Variants in KALRN observed in about 807,000 individuals in gnomAD.
KALRN encodes the protein kalirin.
A neutral mutation model predicts 353.7 loss-of-function variants in KALRN; 70 were observed. The observed-to-expected ratio is 0.20, with a 90% CI of 0.16 to 0.24. The LOEUF (loss-of-function observed/expected upper bound fraction) is 0.24, where lower values mean the gene tolerates loss of function less well. Ranked by LOEUF, KALRN falls within the 10% of genes least tolerant of loss-of-function variation. The pLI, the probability that KALRN is intolerant of heterozygous loss-of-function variation, is 1.00. For missense variants in KALRN, 2,791 were observed against 3,756.7 expected (o/e 0.74, Z 6.72); for synonymous variants, 1,391 against 1,434.8 (o/e 0.97, Z 0.69).
At chr3:124,525,780 G>T (rs1178864227) in intron 33 of KALRN, among the ~76,000 whole-genome samples, 6 of 152,120 alleles carry the variant, frequency 3.9e-5, no homozygotes, top group Non-Finnish European at 8.8e-5. Context: ...TTATGTTTTG[G>T]TATTTCTGGG....
intron 14 of KALRN, among the ~76,000 whole-genome samples, chr3:124,418,363 G>T (rs760919387): frequency 2.6e-5 from 4 of 152,124 alleles, no homozygotes; most frequent in African/African-American, 4.8e-5. Flanking sequence ...AGTGGACCCA[G>T]ATTTTTTTTA....
At chr3:124,190,057 G>A (rs1276612569) in intron 1 of KALRN, among the ~76,000 whole-genome samples, 1 of 151,970 alleles carries the variant, frequency 6.6e-6, no homozygotes, top group African/African-American at 2.4e-5. Context: ...TCTGTATATA[G>A]GCACTGAAGA....
At position 124,633,635 on chromosome 3, in the gene KALRN, G is replaced by GT. The variant is rs1491040093; in HGVS notation, c.5467-217_5467-216insT. ...AGTTTCTGGTTTTGCTTCTTTTTGG[G>GT]GGTGTGTGTGTGTGTGTGTGTGTTC... On this transcript the variant is annotated intron_variant, in intron 35 of 59. Coordinates refer to ENST00000682506, the MANE Select transcript of KALRN (RefSeq NM_001388419.1). 5.2e-3 allele frequency among the ~76,000 whole-genome samples: 355 copies of GT among 67,906 alleles called. 1 individual carries two copies. Among genetic ancestry groups the GT allele is most frequent in the Non-Finnish European group, 7.4e-3 (280 of 37,672 alleles). The allele number at this position is 67,906 out of a possible 152,430, so 44.5% of individuals were successfully genotyped here. A position where few individuals can be genotyped will look rare whatever the true frequency, so the allele number is the denominator to read the frequency against.
chr3:124,370,484 G>A (rs525715), intron 10 of KALRN, among the ~76,000 whole-genome samples: 100,990 of 152,066 alleles, frequency 0.66, 34,318 homozygotes, highest in East Asian at 1. Flanking sequence ...TTGGCCATCC[G>A]GAAAGCCAAC....
At chr3:124,327,324 A>G (rs577879029) in intron 7 of KALRN, among the ~76,000 whole-genome samples, 2 of 152,324 alleles carry the variant, frequency 1.3e-5, no homozygotes, top group South Asian at 2.1e-4. Flanking sequence ...TGAACAAGTG[A>G]TGTTCTGGCG....
At chr3:124,498,458 C>A (rs2064128981) in intron 33 of KALRN, among the ~76,000 whole-genome samples, 1 of 152,146 alleles carries the variant, frequency 6.6e-6, no homozygotes, top group South Asian at 2.1e-4. Context: ...TCAGGAGATA[C>A]TTGTGGAATA....
At chr3:124,136,337 C>G (rs1272409897) in intron 1 of KALRN, among the ~76,000 whole-genome samples, 1 of 152,122 alleles carries the variant, frequency 6.6e-6, no homozygotes, top group Admixed American at 6.5e-5. Flanking sequence ...AGCAGGTCTA[C>G]AGTGGGCCCA....
intron 13 of KALRN, among the ~76,000 whole-genome samples, chr3:124,403,656 G>T (rs1408514473): frequency 6.6e-6 from 1 of 152,158 alleles, no homozygotes; most frequent in Admixed American, 6.6e-5. Flanking sequence ...TAACTTACTG[G>T]TGGTCTCAAC....
chr3:124,354,116 C>G (rs1423392699), intron 10 of KALRN, among the ~76,000 whole-genome samples: 3 of 152,198 alleles, frequency 2.0e-5, no homozygotes, highest in African/African-American at 7.2e-5. Flanking sequence ...GAGAGCCTAC[C>G]ATGAACCTTT....
chr3:124,130,086 A>G (rs918340650), intron 1 of KALRN, among the ~76,000 whole-genome samples: 2 of 152,236 alleles, frequency 1.3e-5, no homozygotes, highest in African/African-American at 4.8e-5. Flanking sequence ...CATTCAGGAC[A>G]TAGAAATAGC....
intron 1 of KALRN, among the ~76,000 whole-genome samples, chr3:124,165,224 G>A (rs556339021): frequency 4.6e-5 from 7 of 152,258 alleles, no homozygotes; most frequent in Non-Finnish European, 8.8e-5. Flanking sequence ...AAACAAATTT[G>A]TTATGAGAAA....
intron 10 of KALRN, among the ~76,000 whole-genome samples, chr3:124,370,335 G>C (rs595616): frequency 0.63 from 95,540 of 152,050 alleles, 30,388 homozygotes; most frequent in East Asian, 0.89. Context: ...AAAAATAACC[G>C]TATTTAGCTG....
chr3:124,606,136 T>C (rs570044301), intron 34 of KALRN, among the ~76,000 whole-genome samples: 1 of 152,366 alleles, frequency 6.6e-6, no homozygotes, highest in South Asian at 2.1e-4. Context: ...AACTTAAGCA[T>C]ACTGAAACTT....
intron 4 of KALRN, among the ~76,000 whole-genome samples, chr3:124,267,791 A>G (rs2073737897): frequency 6.6e-6 from 1 of 152,226 alleles, no homozygotes; most frequent in Non-Finnish European, 1.5e-5. Flanking sequence ...AGATCATCAG[A>G]GTGAGCACTA....
intron 1 of KALRN, among the ~76,000 whole-genome samples, chr3:124,170,928 C>T (rs192376081): frequency 2.2e-5 from 3 of 137,462 alleles, no homozygotes; most frequent in Admixed American, 8.1e-5. Context: ...ATTCTCATGC[C>T]TCAGCCTCCC....
intron 34 of KALRN, among the ~76,000 whole-genome samples, chr3:124,602,461 C>G (rs969532775): frequency 2.6e-5 from 4 of 152,178 alleles, no homozygotes; most frequent in Non-Finnish European, 4.4e-5. Flanking sequence ...TGGGTGCCAG[C>G]AGATGTCCTC....
At position 124,725,768 on chromosome 3, in the gene KALRN, A is replaced by T. The variant is rs987242463; in HGVS notation, c.*6298A>T. The T allele has an allele frequency of 6.6e-6, 1 of 152,198 alleles. No homozygotes were observed. The highest frequency in any genetic ancestry group is 1.5e-5 in the Non-Finnish European group (1 of 68,038). The allele number at this position is 152,198 out of a possible 1,614,324, so 9.4% of individuals were successfully genotyped here. A position where few individuals can be genotyped will look rare whatever the true frequency, so the allele number is the denominator to read the frequency against. On this transcript the variant is annotated 3_prime_UTR_variant, in exon 60 of 60. Coordinates refer to ENST00000682506, the MANE Select transcript of KALRN (RefSeq NM_001388419.1). ...CTATCTTTACATTTGAACTATTAAT[A>T]GTTGATTTGCAAACTGTATTGGCAT... is the stretch of plus-strand genomic sequence containing the variant.
At chr3:124,148,687 A>G (rs1412452983) in intron 1 of KALRN, among the ~76,000 whole-genome samples, 1 of 152,172 alleles carries the variant, frequency 6.6e-6, no homozygotes, top group Non-Finnish European at 1.5e-5. Context: ...GAAATGAAGC[A>G]TGCGCTGAGT....
chr3:124,263,166 C>T (rs1263198789), intron 3 of KALRN, among the ~76,000 whole-genome samples: 1 of 152,088 alleles, frequency 6.6e-6, no homozygotes, highest in African/African-American at 2.4e-5. Context: ...ATAGCAACAT[C>T]TTGATTTATT....
Sources: allele counts gnomAD v4.1 joint callset (sites outside exome capture counted in the v4.1 genomes callset), GRCh38; gene constraint gnomAD v4.1.1; transcripts MANE v1.5; gene names NCBI Gene and HGNC (gene_info 2026-07-23, HGNC 2026-07-21).